The following SUGCT variants were observed in gnomAD, a reference collection of about 807,000 sequenced individuals.
SUGCT encodes the protein succinyl-CoA:glutarate-CoA transferase.
SUGCT carries 41 observed loss-of-function variants against 55.0 expected under a neutral mutation model. That is an observed-to-expected ratio of 0.74 (90% CI 0.58 to 0.97). The LOEUF (loss-of-function observed/expected upper bound fraction) is 0.97, where lower values mean the gene tolerates loss of function less well. Among genes scored for constraint, SUGCT ranks in the 50% least tolerant of loss-of-function variants. SUGCT has a pLI of 0.00. For synonymous variants in SUGCT, 187 were observed against 200.4 expected (o/e 0.93, Z 0.56); for missense variants, 568 against 547.8 (o/e 1.04, Z -0.37).
intron 9 of SUGCT, among the ~76,000 whole-genome samples, chr7:40,376,910 A>G (rs2151269796): frequency 6.6e-6 from 1 of 151,468 alleles, no homozygotes; most frequent in East Asian, 2.0e-4. Flanking sequence ...TCTGAAGGGT[A>G]TTTTCACTGC....
At chr7:40,554,618 A>G (rs1795465418) in intron 12 of SUGCT, among the ~76,000 whole-genome samples, 1 of 152,202 alleles carries the variant, frequency 6.6e-6, no homozygotes, top group Admixed American at 6.5e-5. Context: ...CTTTTACAGA[A>G]GAGGTGTGTT....
the SUGCT span, among the ~76,000 whole-genome samples, chr7:40,919,915 T>G: frequency 6.6e-5 from 10 of 152,240 alleles, no homozygotes; most frequent in Admixed American, 1.3e-4. Flanking sequence ...CTTCTGCACC[T>G]TCCCTTCTAG....
chr7:40,757,889 A>G (rs912001999), intron 13 of SUGCT, among the ~76,000 whole-genome samples: 2 of 152,220 alleles, frequency 1.3e-5, no homozygotes, highest in African/African-American at 2.4e-5. Context: ...CACTGAGTGC[A>G]CAAAAAAGTC....
intron 11 of SUGCT, among the ~76,000 whole-genome samples, chr7:40,472,226 A>G (rs567647545): frequency 6.6e-6 from 1 of 152,266 alleles, no homozygotes; most frequent in South Asian, 2.1e-4. Flanking sequence ...CAAGATAAAG[A>G]CAATGATAAG....
At chr7:40,445,887 C>T (rs1221844503) in intron 9 of SUGCT, among the ~76,000 whole-genome samples, 3 of 152,104 alleles carry the variant, frequency 2.0e-5, no homozygotes, top group Admixed American at 2.0e-4. Context: ...AATCTTTAGG[C>T]TGATTATATT....
chr7:40,226,808 A>C (rs575491170), intron 6 of SUGCT, among the ~76,000 whole-genome samples: 1 of 152,064 alleles, frequency 6.6e-6, no homozygotes, highest in African/African-American at 2.4e-5. Context: ...TTTGCATATC[A>C]CTTAAAAATT....
chr7:40,825,682 C>G (rs1427682838), intron 13 of SUGCT, among the ~76,000 whole-genome samples: 3 of 152,148 alleles, frequency 2.0e-5, no homozygotes, highest in African/African-American at 7.2e-5. Context: ...GTGGACTCAG[C>G]TCATTAAGTA....
At chr7:40,832,562 G>GTTTTTT (rs66508711) in intron 13 of SUGCT, among the ~76,000 whole-genome samples, 1 of 139,786 alleles carries the variant, frequency 7.2e-6, no homozygotes, top group African/African-American at 2.6e-5. Flanking sequence ...GGTTTTTTTT[G>GTTTTTT]TTTTTTTTTT....
chr7:40,463,129 C>T (rs938429913), intron 11 of SUGCT, among the ~76,000 whole-genome samples: 4 of 152,142 alleles, frequency 2.6e-5, no homozygotes, highest in South Asian at 2.1e-4. Flanking sequence ...AACCTTACAT[C>T]GCAGGCACTT....
chr7:40,901,805 A>G, the SUGCT span, among the ~76,000 whole-genome samples: 1 of 152,232 alleles, frequency 6.6e-6, no homozygotes, highest in Middle Eastern at 3.2e-3. Context: ...TAGTGCAGAA[A>G]TGCTAAACAT....
chr7:40,973,028 T>A, the SUGCT span, among the ~76,000 whole-genome samples: 1 of 152,200 alleles, frequency 6.6e-6, no homozygotes, highest in African/African-American at 2.4e-5. Flanking sequence ...CGGAGATATG[T>A]CTCATTTGTA....
intron 7 of SUGCT, among the ~76,000 whole-genome samples, chr7:40,251,497 G>A (rs1790400689): frequency 6.6e-6 from 1 of 152,164 alleles, no homozygotes; most frequent in African/African-American, 2.4e-5. Flanking sequence ...GCGGGGCTGA[G>A]TGCTGTCCTT....
intron 13 of SUGCT, among the ~76,000 whole-genome samples, chr7:40,765,188 T>C (rs1036828617): frequency 6.6e-6 from 1 of 152,122 alleles, no homozygotes; most frequent in Non-Finnish European, 1.5e-5. Flanking sequence ...AAATCTTTAG[T>C]TGTGAAATTT....
chr7:40,862,536 C>T (rs542822843), downstream of SUGCT, among the ~76,000 whole-genome samples: 6 of 152,220 alleles, frequency 3.9e-5, no homozygotes, highest in Middle Eastern at 3.4e-3. Flanking sequence ...TTTTAATTAT[C>T]GGGGCCTATT....
At chr7:40,427,620 A>G (rs1363963055) in intron 9 of SUGCT, among the ~76,000 whole-genome samples, 1 of 152,136 alleles carries the variant, frequency 6.6e-6, no homozygotes, top group Non-Finnish European at 1.5e-5. Flanking sequence ...TTTTTATTTT[A>G]ACCTCATAAT....
intron 12 of SUGCT, among the ~76,000 whole-genome samples, chr7:40,612,707 A>C (rs1229515230): frequency 6.6e-6 from 1 of 152,254 alleles, no homozygotes; most frequent in Non-Finnish European, 1.5e-5. Flanking sequence ...TATGAAGATT[A>C]AATGAGAAAA....
intron 13 of SUGCT, among the ~76,000 whole-genome samples, chr7:40,751,790 A>C (rs1323296093): frequency 1.3e-5 from 2 of 152,222 alleles, no homozygotes; most frequent in African/African-American, 4.8e-5. Flanking sequence ...AGAAAGGGTA[A>C]GCATTTGAAA....
chr7:40,504,031 A>G (rs2151535963), intron 12 of SUGCT, among the ~76,000 whole-genome samples: 1 of 152,320 alleles, frequency 6.6e-6, no homozygotes, highest in African/African-American at 2.4e-5. Context: ...CAAAGAATCA[A>G]TAAACATAAA....
At chr7:40,855,730 T>G (rs901443891) in intron 13 of SUGCT, among the ~76,000 whole-genome samples, 2 of 152,182 alleles carry the variant, frequency 1.3e-5, no homozygotes, top group Non-Finnish European at 2.9e-5. Context: ...GAAGTGTGGG[T>G]CAAGGTAGTT....
Sources: allele counts gnomAD v4.1 joint callset (sites outside exome capture counted in the v4.1 genomes callset), GRCh38; gene constraint gnomAD v4.1.1; transcripts MANE v1.5; gene names NCBI Gene and HGNC (gene_info 2026-07-23, HGNC 2026-07-21).